Variants in RAB23 observed in about 807,000 individuals in gnomAD.
RAB23 encodes RAB23, member RAS oncogene family.
RAB23 carries 15 observed loss-of-function variants against 30.0 expected under a neutral mutation model. That is an observed-to-expected ratio of 0.50 (90% CI 0.33 to 0.77). The LOEUF (loss-of-function observed/expected upper bound fraction) is 0.77. RAB23 is among the 30% of genes least tolerant of loss of function. The pLI, the probability that RAB23 is intolerant of heterozygous loss-of-function variation, is 0.02. For missense variants in RAB23, 243 were observed against 275.4 expected (o/e 0.88, Z 0.83); for synonymous variants, 93 against 94.0 (o/e 0.99, Z 0.06).
chr6:57,208,296 G>A (rs1190026065), intron 2 of RAB23, among the ~76,000 whole-genome samples: 1 of 151,982 alleles, frequency 6.6e-6, no homozygotes, highest in African/African-American at 2.4e-5. Flanking sequence ...CTCCTTTCCC[G>A]ACATCTTTCT....
chr6:57,214,333 T>TA (rs1765760647), intron 1 of RAB23, among the ~76,000 whole-genome samples: 1 of 152,086 alleles, frequency 6.6e-6, no homozygotes, highest in African/African-American at 2.4e-5. Context: ...TCTTTTTTTT[T>TA]AGACAGTGTC....
In RAB23 at chr6:57,187,743, G is replaced by GTTAT. The variant is rs1296107524; in HGVS notation, c.*2714_*2717dup. 1 of 152,138 alleles carries GTTAT rather than the reference G, an allele frequency of 6.6e-6. No homozygotes were observed. Among genetic ancestry groups the GTTAT allele is most frequent in the African/African-American group, 2.4e-5 (1 of 41,432 alleles). 9.4% of individuals were successfully genotyped at this position (152,138 alleles called of 1,614,324 possible). A position where few individuals can be genotyped will look rare whatever the true frequency, so the allele number is the denominator to read the frequency against. On this transcript the variant is annotated 3_prime_UTR_variant, in exon 7 of 7. Coordinates refer to ENST00000468148, the MANE Select transcript of RAB23 (RefSeq NM_016277.5). ...AAACTCACAGGTCCAAGGAGTACATGTTATTTATTGAGAGTTCCTTCTGAG... is the reference window on the plus strand; with the variant it reads ...AAACTCACAGGTCCAAGGAGTACATGTTATTTATTTATTGAGAGTTCCTTCTGAG...
chr6:57,189,081 T>C lies in RAB23; in HGVS notation c.*1380A>G, dbSNP rs1308442144. ...TATTTATAGGTTAAAAATAAAGCCA[T>C]TGATGAGTGATAATCAGTTTTAACA... On this transcript the variant is annotated 3_prime_UTR_variant, in exon 7 of 7. Transcript: ENST00000468148. 1 of 152,202 alleles carries C rather than the reference T, an allele frequency of 6.6e-6. No individual in the cohort carries two copies. Among genetic ancestry groups the C allele is most frequent in the African/African-American group, 2.4e-5 (1 of 41,450 alleles). 9.4% of individuals were successfully genotyped at this position (152,202 alleles called of 1,614,324 possible).
rs540663721 is a variant in RAB23 at position 57,196,229 on chromosome 6, C to T, written c.398+221G>A. On this transcript the variant is annotated intron_variant, in intron 4 of 6. Coordinates refer to ENST00000468148, the MANE Select transcript of RAB23 (RefSeq NM_016277.5). ...TCTAAAAGAGCCTTCAAATTTTAAT[C>T]CTTTAATTTTATCTACTTAGGAATC... Among the ~76,000 whole-genome samples the T allele has an allele frequency of 1.5e-4, 23 of 152,214 alleles. No individual in the cohort carries two copies. The South Asian group carries it at 4.1e-3, about 27-fold the overall frequency.
At chr6:57,205,436 A>G (rs1765425551) in intron 3 of RAB23, among the ~76,000 whole-genome samples, 1 of 152,170 alleles carries the variant, frequency 6.6e-6, no homozygotes, top group Non-Finnish European at 1.5e-5. Context: ...GTGCTACGCA[A>G]TGGGGCTGGG....
chr6:57,190,656 G>A (rs959007517), intron 6 of RAB23, 56 bp from the exon 7 acceptor site: 20 of 1,575,590 alleles, frequency 1.3e-5, no homozygotes, highest in Non-Finnish European at 1.7e-5. Context: ...GTTACCTGTT[G>A]CATCCAGCTT....
chr6:57,189,484 TC>T lies in RAB23; in HGVS notation c.*976del, dbSNP rs1764748236. 6.6e-6 allele frequency: 1 copy of T among 152,226 alleles called. No homozygotes were observed. The allele number at this position is 152,226 out of a possible 1,614,324, so 9.4% of individuals were successfully genotyped here. A position where few individuals can be genotyped will look rare whatever the true frequency, so the allele number is the denominator to read the frequency against. Reference sequence around the variant, plus strand: ...ATGCATCACCACACTTCACAGGACCTCCTGAATGACTGCAGATGTGCTGTGT... The same window carrying T: ...ATGCATCACCACACTTCACAGGACCTCTGAATGACTGCAGATGTGCTGTGT... On this transcript the variant is annotated 3_prime_UTR_variant, in exon 7 of 7. Coordinates refer to ENST00000468148, the MANE Select transcript of RAB23 (RefSeq NM_016277.5).
chr6:57,190,298 C>G lies in RAB23; in HGVS notation c.*163G>C. On this transcript the variant is annotated 3_prime_UTR_variant, in exon 7 of 7. Coordinates refer to ENST00000468148, the MANE Select transcript of RAB23 (RefSeq NM_016277.5). Reference sequence around the variant, plus strand: ...AATAATTTTTCCACCAGAGGTCTCACTCTACATTCTGAAAAGCACTGCAGA... The same window carrying G: ...AATAATTTTTCCACCAGAGGTCTCAGTCTACATTCTGAAAAGCACTGCAGA... 1.2e-6 allele frequency: 1 copy of G among 808,366 alleles called. No individual in the cohort carries two copies. The highest frequency in any genetic ancestry group is 2.0e-6 in the Non-Finnish European group (1 of 502,488). The allele number at this position is 808,366 out of a possible 1,614,324, so 50.1% of individuals were successfully genotyped here.
chr6:57,209,633 T>C (rs1465479805), intron 2 of RAB23, among the ~76,000 whole-genome samples: 1 of 152,218 alleles, frequency 6.6e-6, no homozygotes, highest in African/African-American at 2.4e-5. Context: ...TTTTAGTTTG[T>C]CTGCTACAAT....
Position 57,222,052 on chromosome 6 carries a change from C to G in RAB23, c.-392G>C, listed in dbSNP as rs953876525. The G allele has an allele frequency of 2.6e-5, 4 of 152,462 alleles. No individual in the cohort carries two copies. The highest frequency in any genetic ancestry group is 5.9e-5 in the Non-Finnish European group (4 of 68,274). 9.4% of individuals were successfully genotyped at this position (152,462 alleles called of 1,614,324 possible). Reference sequence around the variant, plus strand: ...CCCCACCGGCCGCGGACCCGCCGCCCGGCGCCACCGGCTCCTCCTGGTCGC... The same window carrying G: ...CCCCACCGGCCGCGGACCCGCCGCCGGGCGCCACCGGCTCCTCCTGGTCGC... On this transcript the variant is annotated 5_prime_UTR_variant, in exon 1 of 7. Transcript: ENST00000468148.
intron 3 of RAB23, among the ~76,000 whole-genome samples, chr6:57,206,513 A>T (rs920161420): frequency 6.6e-6 from 1 of 152,196 alleles, no homozygotes; most frequent in Non-Finnish European, 1.5e-5. Flanking sequence ...GTCAGATGCC[A>T]CTGTTATCAG....
Position 57,210,356 on chromosome 6 carries a change from C to A in RAB23, c.25G>T (p.Ala9Ser). 1 of 1,614,046 alleles carries A rather than the reference C, an allele frequency of 6.2e-7. No individual in the cohort carries two copies. Among genetic ancestry groups the A allele is most frequent in the Non-Finnish European group, 8.5e-7 (1 of 1,179,950 alleles). Residue 9 changes from alanine (A) to serine (S), a missense_variant, in exon 2 of 7, where the codon GCC (alanine) becomes TCC (serine). By Grantham distance (99) the Ala-to-Ser change is moderately conservative. Coordinates refer to ENST00000468148, the MANE Select transcript of RAB23 (RefSeq NM_016277.5). ...TTCCCTACAACCACCATCTTTATGG[C>A]GACTTCCATATCTTCCTCCAACATT... MLEEDMEVAIKMVVVGNGA... is the reference protein window; with the variant it reads MLEEDMEVSIKMVVVGNGA...
Position 57,189,946 on chromosome 6 carries a change from TACACAGATATTGCAC to T in RAB23, c.*500_*514del, listed in dbSNP as rs1157648492. On this transcript the variant is annotated 3_prime_UTR_variant, in exon 7 of 7. Coordinates refer to ENST00000468148, the MANE Select transcript of RAB23 (RefSeq NM_016277.5). ...TGCATGCACACCCCACATTCTACAT[TACACAGATATTGCAC>T]AAGTTTCAATGCCAAAATACTAATG... The T allele has an allele frequency of 5.4e-6, 1 of 185,098 alleles. No individual in the cohort carries two copies. Among genetic ancestry groups the T allele is most frequent in the African/African-American group, 2.4e-5 (1 of 41,776 alleles). 11.5% of individuals were successfully genotyped at this position (185,098 alleles called of 1,614,324 possible).
At chr6:57,216,989 G>C (rs1765866272) in intron 1 of RAB23, among the ~76,000 whole-genome samples, 1 of 152,138 alleles carries the variant, frequency 6.6e-6, no homozygotes, top group Non-Finnish European at 1.5e-5. Context: ...TGTTTTGTCA[G>C]TGGGGATCTT....
At chr6:57,216,484 T>A (rs1351209136) in intron 1 of RAB23, among the ~76,000 whole-genome samples, 1 of 152,128 alleles carries the variant, frequency 6.6e-6, no homozygotes, top group Non-Finnish European at 1.5e-5. Flanking sequence ...ATAGAACATA[T>A]TCTGGGCCAT....
At chr6:57,200,114 G>C (rs1765189373) in intron 3 of RAB23, among the ~76,000 whole-genome samples, 1 of 151,180 alleles carries the variant, frequency 6.6e-6, no homozygotes, top group African/African-American at 2.4e-5. Context: ...TTATGAGACA[G>C]ATCATTATTT....
At chr6:57,208,288 C>A (rs1765520085) in intron 2 of RAB23, among the ~76,000 whole-genome samples, 1 of 152,042 alleles carries the variant, frequency 6.6e-6, no homozygotes, top group Non-Finnish European at 1.5e-5. Context: ...TGCCTGTTCT[C>A]CTTTCCCGAC....
At chr6:57,190,931 T>C (rs575565834) in intron 6 of RAB23, among the ~76,000 whole-genome samples, 1 of 152,322 alleles carries the variant, frequency 6.6e-6, no homozygotes, top group East Asian at 1.9e-4. Context: ...CTTCTGTCTC[T>C]TATGATTTTA....
intron 1 of RAB23, among the ~76,000 whole-genome samples, chr6:57,215,872 G>C (rs1402274981): frequency 6.6e-6 from 1 of 152,090 alleles, no homozygotes; most frequent in African/African-American, 2.4e-5. Context: ...AATGGGGAAG[G>C]ATAAAGGACT....
Sources: allele counts gnomAD v4.1 joint callset (sites outside exome capture counted in the v4.1 genomes callset), GRCh38; gene constraint gnomAD v4.1.1; transcripts MANE v1.5; gene names NCBI Gene and HGNC (gene_info 2026-07-23, HGNC 2026-07-21).